Variants in KCNQ3 observed in about 807,000 individuals in gnomAD.
KCNQ3 encodes the protein potassium voltage-gated channel subfamily Q member 3, also known as potassium voltage-gated channel subfamily KQT member 3.
KCNQ3 carries 30 observed loss-of-function variants against 92.5 expected under a neutral mutation model. The ratio of observed to expected loss-of-function variants is 0.32; its 90% confidence interval spans 0.24 to 0.44. The LOEUF (loss-of-function observed/expected upper bound fraction) is 0.44. KCNQ3 is among the 20% of genes least tolerant of loss of function. The pLI, the probability that KCNQ3 is intolerant of heterozygous loss-of-function variation, is 1.00. For synonymous variants in KCNQ3, 450 were observed against 468.8 expected (o/e 0.96, Z 0.52); for missense variants, 913 against 1,140.3 (o/e 0.80, Z 2.87).
At chr8:132,281,650 T>C (rs997934566) in intron 1 of KCNQ3, among the ~76,000 whole-genome samples, 1 of 151,916 alleles carries the variant, frequency 6.6e-6, no homozygotes, top group African/African-American at 2.4e-5. Flanking sequence ...TATAACAATC[T>C]CCGACCTAGC....
chr8:132,193,062 C>T (rs1020604662), intron 1 of KCNQ3, among the ~76,000 whole-genome samples: 2 of 152,170 alleles, frequency 1.3e-5, no homozygotes, highest in African/African-American at 4.8e-5. Context: ...CCTCTCCTCT[C>T]TTGTTCCTCC....
intron 1 of KCNQ3, among the ~76,000 whole-genome samples, chr8:132,358,173 A>G (rs981429753): frequency 1.7e-4 from 26 of 152,334 alleles, no homozygotes; most frequent in Middle Eastern, 3.4e-3. Flanking sequence ...TGAGTAAATG[A>G]ATGGATGACT....
chr8:132,301,461 T>C (rs894089980), intron 1 of KCNQ3, among the ~76,000 whole-genome samples: 1 of 152,210 alleles, frequency 6.6e-6, no homozygotes, highest in Non-Finnish European at 1.5e-5. Flanking sequence ...CTTTCCTGAC[T>C]GTTGCAGTCC....
chr8:132,436,496 C>G (rs913095609), intron 1 of KCNQ3, among the ~76,000 whole-genome samples: 1 of 152,204 alleles, frequency 6.6e-6, no homozygotes, highest in African/African-American at 2.4e-5. Flanking sequence ...AATCTCTCTT[C>G]AAATGATACC....
At chr8:132,465,040 G>A (rs930917004) in intron 1 of KCNQ3, among the ~76,000 whole-genome samples, 25 of 152,142 alleles carry the variant, frequency 1.6e-4, no homozygotes, top group African/African-American at 5.8e-4. Context: ...CACAAAAAGA[G>A]GAATTTAAAA....
At chr8:132,235,144 T>A (rs1320511677) in intron 1 of KCNQ3, among the ~76,000 whole-genome samples, 2 of 152,190 alleles carry the variant, frequency 1.3e-5, no homozygotes, top group African/African-American at 4.8e-5. Flanking sequence ...TGTCTTCACA[T>A]CACAGTGCAT....
chr8:132,157,418 T>G (rs1232096828), intron 9 of KCNQ3, among the ~76,000 whole-genome samples: 1 of 152,222 alleles, frequency 6.6e-6, no homozygotes, highest in East Asian at 1.9e-4. Flanking sequence ...ATTATCCAAC[T>G]GGGTTATGGT....
At chr8:132,444,018 G>GTT (rs1284936083) in intron 1 of KCNQ3, among the ~76,000 whole-genome samples, 14 of 152,066 alleles carry the variant, frequency 9.2e-5, no homozygotes, top group African/African-American at 3.4e-4. Context: ...AACCCAAGAG[G>GTT]TACCGAGAGG....
rs975962112 is a variant in KCNQ3, at chr8:132,261,651, G to A, written c.387-75470C>T. On this transcript the variant is annotated intron_variant, in intron 1 of 14. Transcript: ENST00000388996. ...GCAGACGTGACTGAGAGGACAAGGA[G>A]GAGCAACAGCAGAGACAGTCTGTGA... is the stretch of plus-strand genomic sequence containing the variant. Among the ~76,000 whole-genome samples the A allele has an allele frequency of 1.1e-4, 16 of 152,198 alleles. No homozygotes were observed. The East Asian group carries it at 1.7e-3, about 16-fold the overall frequency.
chr8:132,434,224 A>AT (rs1487430698), intron 1 of KCNQ3, among the ~76,000 whole-genome samples: 554 of 150,234 alleles, frequency 3.7e-3, no homozygotes, highest in Non-Finnish European at 5.6e-3. Flanking sequence ...AAAAAAAAAA[A>AT]AAATAATAAT....
chr8:132,153,843 C>T (rs192247227), intron 9 of KCNQ3, among the ~76,000 whole-genome samples: 3 of 152,140 alleles, frequency 2.0e-5, no homozygotes, highest in African/African-American at 7.2e-5. Flanking sequence ...AAAGGAATGC[C>T]TCATTTTCCC....
chr8:132,373,768 C>A (rs769961753), intron 1 of KCNQ3, among the ~76,000 whole-genome samples: 3 of 152,148 alleles, frequency 2.0e-5, no homozygotes, highest in Non-Finnish European at 4.4e-5. Context: ...TGAGCTCTGC[C>A]GAACGACTAC....
At chr8:132,367,108 A>G (rs1338991238) in intron 1 of KCNQ3, among the ~76,000 whole-genome samples, 2 of 152,212 alleles carry the variant, frequency 1.3e-5, no homozygotes, top group African/African-American at 4.8e-5. Flanking sequence ...AAACATCAGT[A>G]TATGCGGAGA....
intron 1 of KCNQ3, among the ~76,000 whole-genome samples, chr8:132,240,455 G>A (rs777455520): frequency 2.5e-4 from 38 of 152,268 alleles, no homozygotes; most frequent in Non-Finnish European, 3.8e-4. Context: ...CAAAGTGCTC[G>A]GATTACAGGC....
intron 2 of KCNQ3, 100 bp from the exon 3 acceptor site, chr8:132,184,467 C>T (rs183572815): frequency 4.0e-5 from 49 of 1,213,204 alleles, no homozygotes; most frequent in Non-Finnish European, 5.0e-5. Flanking sequence ...CCATTTTGTG[C>T]TGTTGCTGGT....
intron 1 of KCNQ3, among the ~76,000 whole-genome samples, chr8:132,210,958 A>T (rs1410610190): frequency 2.6e-5 from 4 of 152,214 alleles, no homozygotes; most frequent in African/African-American, 9.6e-5. Context: ...TTATTAGTAA[A>T]GTCCTGCACA....
intron 1 of KCNQ3, among the ~76,000 whole-genome samples, chr8:132,378,787 G>A (rs1819673289): frequency 6.6e-6 from 1 of 152,186 alleles, no homozygotes; most frequent in Admixed American, 6.5e-5. Context: ...GGTCAATTCT[G>A]GGCAATAAGA....
At chr8:132,334,906 C>G (rs1055457070) in intron 1 of KCNQ3, among the ~76,000 whole-genome samples, 2 of 152,224 alleles carry the variant, frequency 1.3e-5, no homozygotes, top group Non-Finnish European at 2.9e-5. Context: ...TGACTTCTCT[C>G]TGTCCCATTT....
intron 1 of KCNQ3, among the ~76,000 whole-genome samples, chr8:132,438,089 A>G (rs1045588527): frequency 2.6e-5 from 4 of 152,250 alleles, no homozygotes; most frequent in Admixed American, 2.6e-4. Flanking sequence ...ATGGTGCCAC[A>G]TAATAAAAAT....
Sources: gnomAD v4.1 joint callset for allele counts (sites outside exome capture counted in the v4.1 genomes callset) on GRCh38, gnomAD v4.1.1 for gene constraint, MANE v1.5 for transcripts, NCBI Gene and HGNC (gene_info 2026-07-23, HGNC 2026-07-21) for gene names.